PEX10: variants seen among roughly 807,000 people sequenced by gnomAD.
The protein encoded by PEX10 is peroxisome biogenesis factor 10.
In PEX10, 32 loss-of-function variants were observed where a neutral mutation model predicts 38.0. The observed-to-expected ratio is 0.84, with a 90% CI of 0.63 to 1.13. The LOEUF (loss-of-function observed/expected upper bound fraction) is 1.13. Among genes scored for constraint, PEX10 ranks in the 50% most tolerant of loss-of-function variants. The pLI, the probability that PEX10 is intolerant of heterozygous loss-of-function variation, is 0.00. For synonymous variants in PEX10, 206 were observed against 207.3 expected, an observed-to-expected ratio of 0.99 and a Z score of 0.05; for missense variants, 483 against 457.7, an observed-to-expected ratio of 1.06 and a Z score of -0.51.
In PEX10 at chr1:2,404,737, A is replaced by G. The variant is rs1642940853; in HGVS notation, c.*1029T>C. ...CCAGGTGTTTTACGTCAGCAGGGAA[A>G]TGTGGCACACGCCCTCGAGGCATTT... On this transcript the variant is annotated 3_prime_UTR_variant, in exon 6 of 6. Transcript: ENST00000447513. 6.6e-6 allele frequency: 1 copy of G among 152,294 alleles called. No individual in the cohort carries two copies. Among genetic ancestry groups the G allele is most frequent in the Non-Finnish European group, 1.5e-5 (1 of 68,050 alleles). The allele number at this position is 152,294 out of a possible 1,614,324, so 9.4% of individuals were successfully genotyped here. A position where few individuals can be genotyped will look rare whatever the true frequency, so the allele number is the denominator to read the frequency against.
chr1:2,405,566 C>A lies in PEX10; in HGVS notation c.*200G>T. 4 of 687,680 alleles carry A rather than the reference C, an allele frequency of 5.8e-6. No homozygotes were observed. The highest frequency in any genetic ancestry group is 8.0e-6 in the Non-Finnish European group (3 of 376,672). The allele number at this position is 687,680 out of a possible 1,614,324, so 42.6% of individuals were successfully genotyped here. A position where few individuals can be genotyped will look rare whatever the true frequency, so the allele number is the denominator to read the frequency against. ...TGGGGTTAGGGAAATGTTCTGGGTTCAGGCGCCCCTCCCAGGGCTGAGAAA... is the reference window on the plus strand; with the variant it reads ...TGGGGTTAGGGAAATGTTCTGGGTTAAGGCGCCCCTCCCAGGGCTGAGAAA... On this transcript the variant is annotated 3_prime_UTR_variant, in exon 6 of 6. Transcript: ENST00000447513.
intron 1 of PEX10, among the ~76,000 whole-genome samples, chr1:2,411,395 G>A (rs574147256): frequency 2.0e-5 from 3 of 152,084 alleles, no homozygotes; most frequent in Admixed American, 2.0e-4. Flanking sequence ...ACCACGCCCT[G>A]CTGATTTTTG....
chr1:2,412,518 TG>T lies in PEX10; in HGVS notation c.-17del. The T allele has an allele frequency of 7.5e-7, 1 of 1,341,634 alleles. No individual in the cohort carries two copies. The highest frequency in any genetic ancestry group is 9.5e-7 in the Non-Finnish European group (1 of 1,050,598). The allele number at this position is 1,341,634 out of a possible 1,614,324, so 83.1% of individuals were successfully genotyped here. A position where few individuals can be genotyped will look rare whatever the true frequency, so the allele number is the denominator to read the frequency against. On this transcript the variant is annotated 5_prime_UTR_variant, in exon 1 of 6. Transcript: ENST00000447513. Reference sequence around the variant, plus strand: ...CCGGGGCCATGGCCGCGGGTTCGGGTGGTCCCGAGCAGCCACGCCGGCCACG... The same window carrying T: ...CCGGGGCCATGGCCGCGGGTTCGGGTGTCCCGAGCAGCCACGCCGGCCACG...
In PEX10 at chr1:2,408,832, C is replaced by G; in HGVS notation, c.220G>C (p.Val74Leu). Reference protein sequence around the residue: ...AGYQTLGEEYVSIIQVDPSRI... With the variant: ...AGYQTLGEEYLSIIQVDPSRI... ...GATGGGTCCACCTGGATGATGCTGA[C>G]GTACTCCTCCCCCAGGGTCTGGTAG... The change falls in exon 3 of 6, where the codon GTC becomes CTC. Residue 74 changes from valine (V) to leucine (L), a missense_variant. By Grantham distance (32) the Val-to-Leu change is conservative. Coordinates refer to ENST00000447513, the MANE Select transcript of PEX10 (RefSeq NM_002617.4). The G allele has an allele frequency of 6.2e-7, 1 of 1,614,064 alleles. No individual in the cohort carries two copies. Among genetic ancestry groups the G allele is most frequent in the Non-Finnish European group, 8.5e-7 (1 of 1,179,938 alleles).
Position 2,405,052 on chromosome 1 carries a change from T to A in PEX10, c.*714A>T, listed in dbSNP as rs1642952441. 1 of 155,334 alleles carries A rather than the reference T, an allele frequency of 6.4e-6. No homozygotes were observed. Among genetic ancestry groups the A allele is most frequent in the Non-Finnish European group, 1.4e-5 (1 of 69,778 alleles). 9.6% of individuals were successfully genotyped at this position (155,334 alleles called of 1,614,324 possible). On this transcript the variant is annotated 3_prime_UTR_variant, in exon 6 of 6. Coordinates refer to ENST00000447513, the MANE Select transcript of PEX10 (RefSeq NM_002617.4). ...ATACCCCCAGGACCTGGCTCGTGAG[T>A]GCGTCTGGGTCAGGAAGAGACCTCT...
rs1292668207 is a variant in PEX10 at position 2,406,833 on chromosome 1, C to A, written c.663G>T (p.Gly221=). ...LRARVSYRLL[G]VISLLHLVLS... ...GCACCAGGTGCAGCAGTGAGATGAC[C>A]CCCAGCAGCCTGTAGCTAACACGGG... Residue 221 remains glycine, a synonymous_variant, in exon 4 of 6, where the codon GGG becomes GGT. Coordinates refer to ENST00000447513, the MANE Select transcript of PEX10 (RefSeq NM_002617.4). 2 of 1,610,808 alleles carry A rather than the reference C, an allele frequency of 1.2e-6. No homozygotes were observed. Among genetic ancestry groups the A allele is most frequent in the Non-Finnish European group, 1.7e-6 (2 of 1,178,910 alleles).
intron 5 of PEX10, 136 bp from the exon 6 acceptor site, chr1:2,405,970 C>G (rs1333132229): frequency 2.6e-6 from 2 of 766,686 alleles, no homozygotes; most frequent in East Asian, 2.7e-5. Flanking sequence ...AACTAATGAC[C>G]AAGAAAGCCA....
chr1:2,405,646 A>G lies in PEX10; in HGVS notation c.*120T>C. ...CCCAGGGTGGCTAGGTTAGTATCTT[A>G]CATGACAAAAAACTGAGAGTGTTCT... is the stretch of plus-strand genomic sequence containing the variant. On this transcript the variant is annotated 3_prime_UTR_variant, in exon 6 of 6. Transcript: ENST00000447513. 1 of 932,162 alleles carries G rather than the reference A, an allele frequency of 1.1e-6. No individual in the cohort carries two copies. Among genetic ancestry groups the G allele is most frequent in the Non-Finnish European group, 1.7e-6 (1 of 591,402 alleles). 57.7% of individuals were successfully genotyped at this position (932,162 alleles called of 1,614,324 possible). A position where few individuals can be genotyped will look rare whatever the true frequency, so the allele number is the denominator to read the frequency against.
chr1:2,406,554 C>T lies in PEX10; in HGVS notation c.842G>A (p.Arg281Lys), dbSNP rs1413473403. 2.5e-6 allele frequency: 4 copies of T among 1,613,238 alleles called. No individual in the cohort carries two copies. The highest frequency in any genetic ancestry group is 1.3e-5 in the African/African-American group (1 of 74,936). Residue 281 changes from arginine (R) to lysine (K), a missense_variant, in exon 5 of 6, where the codon AGG becomes AAG. Coordinates refer to ENST00000447513, the MANE Select transcript of PEX10 (RefSeq NM_002617.4). Reference protein sequence around the residue: ...PLCTLCLEERRHPTATPCGHL... With the variant: ...PLCTLCLEERKHPTATPCGHL... ...GCCGCAGGGCGTGGCTGTTGGGTGC[C>T]TGCGCTCCTCCAGGCACAGGGTGCA...
chr1:2,406,494 C>T lies in PEX10; in HGVS notation c.902G>A (p.Cys301Tyr). 6.2e-7 allele frequency: 1 copy of T among 1,612,222 alleles called. No individual in the cohort carries two copies. The highest frequency in any genetic ancestry group is 8.5e-7 in the Non-Finnish European group (1 of 1,179,976). Residue 301 changes from cysteine (C) to tyrosine (Y), a missense_variant, in exon 5 of 6, where the codon TGC becomes TAC. Transcript: ENST00000447513. ...AGGCTCCCACCTCACCTTGCTGCTG[C>T]ACCACGCGGTGATGCACTCCCAGCA... ...LFCWECITAW[C>Y]SSKAECPLCR... is the part of the protein sequence containing the mutation.
intron 1 of PEX10, among the ~76,000 whole-genome samples, chr1:2,412,116 G>A (rs1212679167): frequency 1.3e-5 from 2 of 152,274 alleles, no homozygotes; most frequent in Non-Finnish European, 2.9e-5. Context: ...CCTGCCCTGA[G>A]CTGGGGACGG....
rs141839636 is a variant in PEX10 at position 2,405,212 on chromosome 1, GTCA to G, written c.*551_*553del. On this transcript the variant is annotated 3_prime_UTR_variant, in exon 6 of 6. Transcript: ENST00000447513. Reference sequence around the variant, plus strand: ...GGTTGGTTTCTCTCTGCCCCGTGTGGTCATCAAGTCCTGGGGGATGTGCTCTGC... The same window carrying G: ...GGTTGGTTTCTCTCTGCCCCGTGTGGTCAAGTCCTGGGGGATGTGCTCTGC... The G allele has an allele frequency of 2.9e-3, 604 of 208,556 alleles. 3 individuals carry two copies. The highest frequency in any genetic ancestry group is 0.013 in the African/African-American group (555 of 42,834). The allele number at this position is 208,556 out of a possible 1,614,324, so 12.9% of individuals were successfully genotyped here.
At chr1:2,408,882 T>C (rs749301360) in intron 2 of PEX10, 24 bp from the exon 3 acceptor site, 1 of 1,613,006 alleles carries the variant, frequency 6.2e-7, no homozygotes, top group Non-Finnish European at 8.5e-7. Flanking sequence ...GATGGGTATG[T>C]GGACCCTGAG....
chr1:2,411,230 C>CTTTTTTTTT (rs140273455), intron 1 of PEX10, among the ~76,000 whole-genome samples: 2 of 114,030 alleles, frequency 1.8e-5, no homozygotes, highest in African/African-American at 3.7e-5. Flanking sequence ...ATGGCTTTGC[C>CTTTTTTTTT]TTTTTTTTTT....
intron 2 of PEX10, 114 bp from the exon 3 acceptor site, chr1:2,408,972 G>C (rs1007525849): frequency 9.7e-7 from 1 of 1,027,404 alleles, no homozygotes; most frequent in Non-Finnish European, 1.5e-6. Context: ...CCATCTTGTC[G>C]CCCTTGAGCC....
chr1:2,408,323 G>C, intron 3 of PEX10, 129 bp downstream of exon 3: 1 of 1,036,502 alleles, frequency 9.6e-7, no homozygotes, highest in Admixed American at 1.8e-5. Context: ...TTCCTGCCTT[G>C]ACACAGATGC....
upstream of PEX10, chr1:2,413,810 C>G (rs1228471473): frequency 6.6e-6 from 1 of 152,382 alleles, no homozygotes; most frequent in Non-Finnish European, 1.5e-5. Context: ...CATCCCCAGA[C>G]TGGCACAGCC....
chr1:2,405,540 T>G lies in PEX10; in HGVS notation c.*226A>C. On this transcript the variant is annotated 3_prime_UTR_variant, in exon 6 of 6. Transcript: ENST00000447513. ...GAAGAAGTGGCTGAGTCCTACCAGGTTGGGGTTAGGGAAATGTTCTGGGTT... is the reference window on the plus strand; with the variant it reads ...GAAGAAGTGGCTGAGTCCTACCAGGGTGGGGTTAGGGAAATGTTCTGGGTT... 1.5e-6 allele frequency: 1 copy of G among 649,996 alleles called. No homozygotes were observed. The allele number at this position is 649,996 out of a possible 1,614,324, so 40.3% of individuals were successfully genotyped here. A position where few individuals can be genotyped will look rare whatever the true frequency, so the allele number is the denominator to read the frequency against.
Position 2,410,476 on chromosome 1 carries a change from C to T in PEX10, c.113-25G>A, listed in dbSNP as rs907667974. The T allele has an allele frequency of 8.7e-6, 14 of 1,608,600 alleles. No individual in the cohort carries two copies. Among genetic ancestry groups the T allele is most frequent in the African/African-American group, 1.3e-5 (1 of 74,816 alleles). On this transcript the variant is annotated intron_variant, in intron 1 of 5. Coordinates refer to ENST00000447513, the MANE Select transcript of PEX10 (RefSeq NM_002617.4). This position sits in a 1 kb window ranked among gnomAD's most constrained non-coding sequence, Gnocchi z 5.1. ...CCTGAGAGGAGAAACAGTATTAGTCCGGGGGAGCTGGTGGGCATCCTCTGA... is the reference window on the plus strand; with the variant it reads ...CCTGAGAGGAGAAACAGTATTAGTCTGGGGGAGCTGGTGGGCATCCTCTGA...
Sources: allele counts gnomAD v4.1 joint callset (sites outside exome capture counted in the v4.1 genomes callset), GRCh38; gene constraint gnomAD v4.1.1; non-coding constraint Gnocchi (gnomAD v3.1); transcripts MANE v1.5; gene names NCBI Gene and HGNC (gene_info 2026-07-23, HGNC 2026-07-21).